GPN1: variants seen among roughly 807,000 people sequenced by gnomAD.
The protein encoded by GPN1 is ATP(GTP)-binding protein.
Under a neutral mutation model 55.9 loss-of-function variants are expected in GPN1, and 44 were observed. The ratio of observed to expected loss-of-function variants is 0.79; its 90% confidence interval spans 0.62 to 1.01. The LOEUF is 1.01. Ranked by LOEUF, GPN1 falls within the 50% of genes least tolerant of loss-of-function variation. GPN1 has a pLI of 0.00. For synonymous variants in GPN1, 179 were observed against 162.5 expected (o/e 1.10, Z -0.77); for missense variants, 466 against 462.8 (o/e 1.01, Z -0.06).
intron 12 of GPN1, among the ~76,000 whole-genome samples, chr2:27,642,984 C>CAG (rs1674032114): frequency 2.0e-5 from 3 of 151,144 alleles, no homozygotes; most frequent in Admixed American, 2.0e-4. Context: ...CACACACACA[C>CAG]ACACACACAC....
intron 11 of GPN1, 64 bp from the exon 12 acceptor site, chr2:27,642,365 G>C: frequency 2.1e-6 from 2 of 933,880 alleles, no homozygotes; most frequent in Non-Finnish European, 3.5e-6. Context: ...TCTCCACTGA[G>C]AAGTCTGGCA....
At chr2:27,629,475 G>C in intron 1 of GPN1, 1 of 1,321,374 alleles carries the variant, frequency 7.6e-7, no homozygotes, top group African/African-American at 1.5e-5. Context: ...GATTAATACA[G>C]TGCTAGCACA....
In GPN1 at chr2:27,629,080, G is replaced by T. The variant is rs772359643; in HGVS notation, c.22G>T (p.Ala8Ser). MAASAAA[A>S]ELQASGGPRH... ...GAAGATGGCGGCGTCCGCAGCTGCC[G>T]CTGAGCTCCAGGCTTCTGGGGGTCC... Residue 8 changes from alanine (A) to serine (S), a missense_variant, in exon 1 of 14, where the codon GCT becomes TCT. Coordinates refer to ENST00000610189, the MANE Select transcript of GPN1 (RefSeq NM_007266.4). The T allele has an allele frequency of 3.1e-6, 5 of 1,614,122 alleles. No individual in the cohort carries two copies. The highest frequency in any genetic ancestry group is 1.1e-5 in the South Asian group (1 of 91,096).
chr2:27,631,806 C>T (rs746326716), intron 3 of GPN1, 28 bp from the exon 4 acceptor site: 6 of 1,351,482 alleles, frequency 4.4e-6, no homozygotes, highest in South Asian at 3.5e-5. Context: ...AATCTATAAG[C>T]GATTTCAGTC....
chr2:27,636,092 T>TGGG (rs1473508522), intron 7 of GPN1, among the ~76,000 whole-genome samples: 1 of 152,066 alleles, frequency 6.6e-6, no homozygotes, highest in Non-Finnish European at 1.5e-5. Context: ...GGTGTGTGCC[T>TGGG]GTAATCCCCG....
At chr2:27,648,737 G>C (rs1674364417) in intron 13 of GPN1, among the ~76,000 whole-genome samples, 1 of 152,156 alleles carries the variant, frequency 6.6e-6, no homozygotes, top group Non-Finnish European at 1.5e-5. Flanking sequence ...CCGGGTTCAA[G>C]TGATTCTCCC....
rs1027423227 is a variant in GPN1, at chr2:27,643,316, ACTTTATT to A, written c.931+804_931+810del. ...AAAATGTTAACATTCTACCATGTTT[ACTTTATT>A]CTTTATCTATATATGACTTTATATG... is the stretch of plus-strand genomic sequence containing the variant. On this transcript the variant is annotated intron_variant, in intron 12 of 13. Transcript: ENST00000610189. This position sits in a 1 kb window ranked among gnomAD's most constrained non-coding sequence, Gnocchi z 4.0. Among the ~76,000 whole-genome samples the A allele has an allele frequency of 2.6e-5, 4 of 151,838 alleles. No homozygotes were observed. The highest frequency in any genetic ancestry group is 1.3e-4 in the Admixed American group (2 of 15,252).
chr2:27,628,444 C>G (rs1345954621), upstream of GPN1: 1 of 1,551,600 alleles, frequency 6.4e-7, no homozygotes, highest in East Asian at 2.4e-5. Context: ...GTGTAGTTCA[C>G]TGAGGGTGAC....
At chr2:27,630,739 AT>A (rs1245573612) in intron 2 of GPN1, among the ~76,000 whole-genome samples, 3 of 151,944 alleles carry the variant, frequency 2.0e-5, no homozygotes, top group Non-Finnish European at 2.9e-5. Flanking sequence ...AGTAAGAAGC[AT>A]TTTTTCCCCC....
At chr2:27,635,833 A>G (rs977700066) in intron 7 of GPN1, among the ~76,000 whole-genome samples, 1 of 152,214 alleles carries the variant, frequency 6.6e-6, no homozygotes, top group Non-Finnish European at 1.5e-5. Flanking sequence ...AGAGAGAAGA[A>G]TAGAGTCCTC....
intron 3 of GPN1, chr2:27,631,311 GCT>G: frequency 1.9e-6 from 1 of 528,964 alleles, no homozygotes; most frequent in Non-Finnish European, 3.4e-6. Flanking sequence ...ATAACTGACA[GCT>G]ACCTGGGTCC....
At chr2:27,649,117 C>T (rs1674384733) in intron 13 of GPN1, among the ~76,000 whole-genome samples, 1 of 151,768 alleles carries the variant, frequency 6.6e-6, no homozygotes, top group South Asian at 2.1e-4. Flanking sequence ...TGGTGGCAGG[C>T]ACCTGTAATC....
At chr2:27,630,070 G>C in intron 2 of GPN1, 118 bp downstream of exon 2, 1 of 664,888 alleles carries the variant, frequency 1.5e-6, no homozygotes, top group Non-Finnish European at 2.8e-6. Context: ...GGTAGATCAC[G>C]AGGTCAGGAG....
At position 27,629,118 on chromosome 2, in the gene GPN1, G is replaced by T. The variant is rs1406986723; in HGVS notation, c.60G>T (p.Val20=). ...CTTCTGGGGGTCCGCGGCACCCAGT[G>T]TGTCTGTTGGTGTTGGGAATGGCGG... is the stretch of plus-strand genomic sequence containing the variant. The part of the protein sequence containing the change: ...LQASGGPRHP[V]CLLVLGMAGS... The change falls in exon 1 of 14, where the codon GTG becomes GTT. Residue 20 remains valine (V), a synonymous_variant. Transcript: ENST00000610189. 1 of 1,614,256 alleles carries T rather than the reference G, an allele frequency of 6.2e-7. No homozygotes were observed. The highest frequency in any genetic ancestry group is 1.1e-5 in the South Asian group (1 of 91,086).
In GPN1 at chr2:27,635,130, G is replaced by A. The variant is rs182834315; in HGVS notation, c.430-10G>A. ...CTCTGACCAAGGCTTTGATTTTTTTGTGGCTTTAGGCATCCTCATTTCCAA... is the reference window on the plus strand; with the variant it reads ...CTCTGACCAAGGCTTTGATTTTTTTATGGCTTTAGGCATCCTCATTTCCAA... On this transcript the variant is annotated splice_polypyrimidine_tract_variant and intron_variant, in intron 6 of 13. Coordinates refer to ENST00000610189, the MANE Select transcript of GPN1 (RefSeq NM_007266.4). The A allele has an allele frequency of 8.6e-6, 13 of 1,512,890 alleles. No homozygotes were observed. Among genetic ancestry groups the A allele is most frequent in the Admixed American group, 1.7e-5 (1 of 58,020 alleles). 93.7% of individuals were successfully genotyped at this position (1,512,890 alleles called of 1,614,324 possible).
upstream of GPN1, chr2:27,628,715 G>T: frequency 6.4e-7 from 1 of 1,551,498 alleles, no homozygotes; most frequent in Non-Finnish European, 8.7e-7. Context: ...AAAATGACAG[G>T]CATGCTCCTC....
In GPN1 at chr2:27,629,111, A is replaced by C. The variant is rs537596607; in HGVS notation, c.53A>C (p.His18Pro). The part of the protein sequence containing the change: ...AELQASGGPR[H>P]PVCLLVLGMA... The stretch of plus-strand genomic sequence containing the variant: ...CTCCAGGCTTCTGGGGGTCCGCGGC[A>C]CCCAGTGTGTCTGTTGGTGTTGGGA... The change falls in exon 1 of 14, where the codon CAC becomes CCC. Residue 18 changes from histidine to proline, a missense_variant. Coordinates refer to ENST00000610189, the MANE Select transcript of GPN1 (RefSeq NM_007266.4). 6.2e-7 allele frequency: 1 copy of C among 1,614,154 alleles called. No individual in the cohort carries two copies.
intron 9 of GPN1, among the ~76,000 whole-genome samples, chr2:27,639,668 T>C (rs1317568641): frequency 6.6e-6 from 1 of 152,064 alleles, no homozygotes; most frequent in Non-Finnish European, 1.5e-5. Context: ...TATAGGCGTG[T>C]GCGGTATACC....
Position 27,631,041 on chromosome 2 carries a change from G to C in GPN1, c.220G>C (p.Val74Leu). The C allele has an allele frequency of 2.2e-6, 3 of 1,370,334 alleles. No homozygotes were observed. Among genetic ancestry groups the C allele is most frequent in the Non-Finnish European group, 3.1e-6 (3 of 960,000 alleles). 84.9% of individuals were successfully genotyped at this position (1,370,334 alleles called of 1,614,324 possible). A position where few individuals can be genotyped will look rare whatever the true frequency, so the allele number is the denominator to read the frequency against. The change falls in exon 3 of 14, where the codon GTA becomes CTA. Residue 74 changes from valine to leucine, a missense_variant. By Grantham distance (32) the Val-to-Leu change is conservative (BLOSUM62 1). Coordinates refer to ENST00000610189, the MANE Select transcript of GPN1 (RefSeq NM_007266.4). ...TTTCTCCTCAGATATTCGTGATACT[G>C]TAAAGTATAAAGAAGTAATGAAACA... The part of the protein sequence containing the change: ...FPANIDIRDT[V>L]KYKEVMKQYG...
Sources: gnomAD v4.1 joint callset for allele counts (sites outside exome capture counted in the v4.1 genomes callset) on GRCh38, gnomAD v4.1.1 for gene constraint, Gnocchi (gnomAD v3.1) non-coding constraint, MANE v1.5 for transcripts, NCBI Gene and HGNC (gene_info 2026-07-23, HGNC 2026-07-21) for gene names.